KCNIP4: variants seen among roughly 807,000 people sequenced by gnomAD.
The protein encoded by KCNIP4 is potassium voltage-gated channel interacting protein 4.
Under a neutral mutation model 34.0 loss-of-function variants are expected in KCNIP4, and 12 were observed. The ratio of observed to expected loss-of-function variants is 0.35; its 90% CI spans 0.23 to 0.57. KCNIP4 has a LOEUF of 0.57. Ranked by LOEUF, KCNIP4 falls within the 20% of genes least tolerant of loss-of-function variation. The probability of loss-of-function intolerance (pLI) is 0.83; values close to 1 mark genes in which losing one functional copy is unlikely to be tolerated. For synonymous variants in KCNIP4, 124 were observed against 102.2 expected, an observed-to-expected ratio of 1.21 and a Z score of -1.29; for missense variants, 238 against 311.7, an observed-to-expected ratio of 0.76 and a Z score of 1.78.
intron 1 of KCNIP4, among the ~76,000 whole-genome samples, chr4:21,233,427 T>G (rs951625793): frequency 6.6e-6 from 1 of 152,044 alleles, no homozygotes; most frequent in Non-Finnish European, 1.5e-5. Flanking sequence ...ATACGAGGCA[T>G]TAAGAAGCAA....
intron 1 of KCNIP4, among the ~76,000 whole-genome samples, chr4:21,803,408 A>G (rs893464285): frequency 4.6e-5 from 7 of 152,158 alleles, no homozygotes; most frequent in Admixed American, 6.5e-5. Context: ...ATCCTCCCCA[A>G]TATGTTCTTC....
At chr4:21,228,046 A>G (rs558790316) in intron 1 of KCNIP4, among the ~76,000 whole-genome samples, 1 of 152,298 alleles carries the variant, frequency 6.6e-6, no homozygotes, top group Admixed American at 6.5e-5. Flanking sequence ...GATTGCTTCT[A>G]AATGCTTACA....
rs1164295455 is a variant in KCNIP4 at position 21,249,498 on chromosome 4, A to G, written c.62-366789T>C. 7.2e-5 allele frequency among the ~76,000 whole-genome samples: 11 copies of G among 152,180 alleles called. 1 individual carries two copies. In the South Asian group the frequency reaches 2.3e-3, roughly 32 times the overall value. ...CCCTGCTAACTCTATGAATTTTGGC[A>G]AGCAATAACCATGTCAGGCCTTTTT... On this transcript the variant is annotated intron_variant, in intron 1 of 8. Coordinates refer to ENST00000382152, the MANE Select transcript of KCNIP4 (RefSeq NM_025221.6).
intron 1 of KCNIP4, among the ~76,000 whole-genome samples, chr4:21,379,169 A>G (rs1401488246): frequency 6.6e-6 from 1 of 152,170 alleles, no homozygotes; most frequent in East Asian, 1.9e-4. Context: ...GTTATTTCAT[A>G]TTAACCTAGT....
At chr4:21,207,818 T>G (rs935523869) in intron 1 of KCNIP4, among the ~76,000 whole-genome samples, 3 of 149,500 alleles carry the variant, frequency 2.0e-5, no homozygotes. Flanking sequence ...TTCATTTTCT[T>G]TTTTTTTTCT....
chr4:21,790,672 C>G (rs11932037), intron 1 of KCNIP4, among the ~76,000 whole-genome samples: 36,425 of 151,838 alleles, frequency 0.24, 6,556 homozygotes, highest in African/African-American at 0.51. Context: ...ACACTGTACT[C>G]ATAAAGTACC....
intron 1 of KCNIP4, among the ~76,000 whole-genome samples, chr4:21,677,393 C>G (rs1749994448): frequency 6.6e-6 from 1 of 152,168 alleles, no homozygotes; most frequent in Non-Finnish European, 1.5e-5. Context: ...CTCACTGGCA[C>G]AGAAAATGGA....
chr4:20,833,431 G>A (rs137877064), intron 3 of KCNIP4, among the ~76,000 whole-genome samples: 4,164 of 151,974 alleles, frequency 0.027, 104 homozygotes, highest in African/African-American at 0.068. Flanking sequence ...ATTGCAGTGC[G>A]CCGACATTGT....
rs371095354 is a variant in KCNIP4, at chr4:21,461,424, T to G, written c.61+487147A>C. Among the ~76,000 whole-genome samples the G allele has an allele frequency of 1.5e-3, 108 of 72,180 alleles. 1 individual carries two copies. The highest frequency in any genetic ancestry group is 3.6e-3 in the African/African-American group (101 of 28,070). 47.4% of individuals were successfully genotyped at this position (72,180 alleles called of 152,430 possible). A position where few individuals can be genotyped will look rare whatever the true frequency, so the allele number is the denominator to read the frequency against. ...CAAATATGAACAGTAGCTTGTGAAG[T>G]TTTTTTTTTTCACACTTCATTTTTC... On this transcript the variant is annotated intron_variant, in intron 1 of 8. Transcript: ENST00000382152.
At chr4:21,703,865 T>C (rs1325886454) in intron 1 of KCNIP4, among the ~76,000 whole-genome samples, 1 of 152,186 alleles carries the variant, frequency 6.6e-6, no homozygotes, top group Non-Finnish European at 1.5e-5. Flanking sequence ...ACAAAGGAAC[T>C]AGAATAGCCA....
At chr4:21,015,552 TTAATATAATATAGTATATTGTATTAATA>T (rs1293066904) in intron 1 of KCNIP4, among the ~76,000 whole-genome samples, 417 of 118,746 alleles carry the variant, frequency 3.5e-3, no homozygotes, top group African/African-American at 7.5e-3. Flanking sequence ...ATTATTATAA[TTAATATAATATAGTATATTGTATTAATA>T]TAATATAATA....
At chr4:21,449,494 G>A (rs528387437) in intron 1 of KCNIP4, among the ~76,000 whole-genome samples, 1 of 152,124 alleles carries the variant, frequency 6.6e-6, no homozygotes, top group Non-Finnish European at 1.5e-5. Flanking sequence ...AGCAGCCACA[G>A]AAAACTAATG....
At chr4:21,938,550 T>C (rs1471074490) in intron 1 of KCNIP4, among the ~76,000 whole-genome samples, 1 of 152,202 alleles carries the variant, frequency 6.6e-6, no homozygotes, top group Non-Finnish European at 1.5e-5. Flanking sequence ...TACACGATTC[T>C]GTATTATACA....
chr4:20,757,072 G>T (rs977936133), intron 4 of KCNIP4, among the ~76,000 whole-genome samples: 8 of 152,012 alleles, frequency 5.3e-5, no homozygotes, highest in Non-Finnish European at 8.8e-5. Context: ...GATGTAATTT[G>T]TCCAAAACTG....
At chr4:21,645,449 A>G (rs1222461627) in intron 1 of KCNIP4, among the ~76,000 whole-genome samples, 1 of 152,210 alleles carries the variant, frequency 6.6e-6, no homozygotes, top group Non-Finnish European at 1.5e-5. Flanking sequence ...TTAGCTAAAT[A>G]CCTTGCAAAA....
intron 1 of KCNIP4, among the ~76,000 whole-genome samples, chr4:21,528,866 A>G (rs1372260197): frequency 6.7e-6 from 1 of 149,894 alleles, no homozygotes; most frequent in East Asian, 2.0e-4. Context: ...GAAGGAAGGA[A>G]GGAAGGGAAA....
intron 3 of KCNIP4, among the ~76,000 whole-genome samples, chr4:20,848,313 C>T (rs1019837273): frequency 6.7e-6 from 1 of 150,168 alleles, no homozygotes; most frequent in African/African-American, 2.5e-5. Flanking sequence ...TGGGGAAGAG[C>T]TGAAAGGAGA....
chr4:21,688,372 A>G (rs535697645), intron 1 of KCNIP4, among the ~76,000 whole-genome samples: 129 of 152,310 alleles, frequency 8.5e-4, no homozygotes, highest in African/African-American at 2.9e-3. Flanking sequence ...AGAAGAGTCC[A>G]AAAACCAAAA....
At chr4:21,532,759 A>C (rs886923193) in intron 1 of KCNIP4, among the ~76,000 whole-genome samples, 1 of 152,144 alleles carries the variant, frequency 6.6e-6, no homozygotes, top group Non-Finnish European at 1.5e-5. Context: ...GCTGATGGGC[A>C]GGCAGCAGTG....
Sources: gnomAD v4.1 joint callset for allele counts (sites outside exome capture counted in the v4.1 genomes callset) on GRCh38, gnomAD v4.1.1 for gene constraint, MANE v1.5 for transcripts, NCBI Gene and HGNC (gene_info 2026-07-23, HGNC 2026-07-21) for gene names.